The following NCOA1 variants were observed in gnomAD, a reference collection of about 807,000 sequenced individuals.
NCOA1 encodes the protein Hin-2 protein.
Under a neutral mutation model 150.9 loss-of-function variants are expected in NCOA1, and 35 were observed. That is an observed-to-expected ratio of 0.23 (90% CI 0.18 to 0.31). The LOEUF is 0.31. Ranked by LOEUF, NCOA1 falls within the 10% of genes least tolerant of loss-of-function variation. The probability of loss-of-function intolerance (pLI) is 1.00; values close to 1 mark genes in which losing one functional copy is unlikely to be tolerated. For missense variants in NCOA1, 1,491 were observed against 1,749.3 expected (o/e 0.85, Z 2.63); for synonymous variants, 590 against 630.0 (o/e 0.94, Z 0.95).
chr2:24,596,169 A>G (rs1667877594), intron 3 of NCOA1, among the ~76,000 whole-genome samples: 2 of 152,214 alleles, frequency 1.3e-5, no homozygotes. Context: ...AAACTACAGT[A>G]TCATTGGGTA....
chr2:24,513,586 ATG>A (rs149865947), intron 1 of NCOA1, among the ~76,000 whole-genome samples: 50 of 151,388 alleles, frequency 3.3e-4, no homozygotes, highest in South Asian at 2.7e-3. Flanking sequence ...TGTAAGGAAA[ATG>A]TGTGTGTGTG....
intron 3 of NCOA1, among the ~76,000 whole-genome samples, chr2:24,615,345 C>T (rs1668829196): frequency 6.6e-6 from 1 of 152,070 alleles, no homozygotes; most frequent in Admixed American, 6.6e-5. Context: ...TATCACAGAC[C>T]TCTTATTATT....
At chr2:24,591,810 C>G (rs1459696471) in intron 3 of NCOA1, among the ~76,000 whole-genome samples, 1 of 151,988 alleles carries the variant, frequency 6.6e-6, no homozygotes, top group Non-Finnish European at 1.5e-5. Flanking sequence ...TAAATATATA[C>G]AAAAGTAGAG....
chr2:24,696,920 C>G (rs1055868164), intron 10 of NCOA1, among the ~76,000 whole-genome samples: 2 of 151,658 alleles, frequency 1.3e-5, no homozygotes, highest in African/African-American at 4.8e-5. Context: ...TTTTGTGTGA[C>G]TGTAAGATTC....
intron 11 of NCOA1, among the ~76,000 whole-genome samples, chr2:24,698,024 C>A (rs951627640): frequency 6.6e-6 from 1 of 152,064 alleles, no homozygotes; most frequent in Non-Finnish European, 1.5e-5. Context: ...GTCACTCATT[C>A]ATTCATTCAT....
chr2:24,551,848 T>C (rs539531453), intron 1 of NCOA1, among the ~76,000 whole-genome samples: 5 of 152,332 alleles, frequency 3.3e-5, no homozygotes, highest in African/African-American at 9.6e-5. Context: ...GTTTTTGTTT[T>C]TGTTTTTGTT....
At chr2:24,553,430 G>T (rs1341208580) in intron 1 of NCOA1, among the ~76,000 whole-genome samples, 1 of 152,096 alleles carries the variant, frequency 6.6e-6, no homozygotes, top group Non-Finnish European at 1.5e-5. Flanking sequence ...TGTTGGCCAG[G>T]CTGGTCCCAA....
At chr2:24,492,271 G>A (rs1469513973) in intron 1 of NCOA1, 2 of 152,338 alleles carry the variant, frequency 1.3e-5, no homozygotes, top group African/African-American at 4.8e-5. Context: ...AAAGGGCCGA[G>A]GAAGGGAAGC....
intron 7 of NCOA1, among the ~76,000 whole-genome samples, chr2:24,682,003 T>C (rs913098703): frequency 5.9e-5 from 9 of 152,160 alleles, no homozygotes; most frequent in Non-Finnish European, 1.2e-4. Context: ...CGTGAGACAC[T>C]GCGCCCGGCC....
At chr2:24,662,292 C>G (rs1671218121) in intron 5 of NCOA1, among the ~76,000 whole-genome samples, 2 of 152,216 alleles carry the variant, frequency 1.3e-5, no homozygotes, top group Non-Finnish European at 2.9e-5. Context: ...CTTCTCCATT[C>G]ATTCATTCTT....
In NCOA1 at chr2:24,658,704, C is replaced by T. The variant is rs200358365; in HGVS notation, c.27C>T (p.Ser9=). The part of the protein sequence containing the change: MSGLGDSS[S]DPANPDSHKR... ...TGAGTGGCCTCGGGGACAGTTCATC[C>T]GACCCTGCTAACCCAGACTCACATA... The change falls in exon 5 of 23, where the codon TCC becomes TCT. Residue 9 remains serine, a synonymous_variant. Transcript: ENST00000348332. The T allele has an allele frequency of 4.6e-5, 75 of 1,613,944 alleles. No homozygotes were observed. Among genetic ancestry groups the T allele is most frequent in the Middle Eastern group, 1.7e-4 (1 of 6,058 alleles).
intron 12 of NCOA1, 152 bp from the exon 13 acceptor site, chr2:24,706,416 T>C: frequency 2.4e-6 from 2 of 822,240 alleles, no homozygotes; most frequent in Non-Finnish European, 1.7e-6. Flanking sequence ...TTTAAGAAAC[T>C]TTTTTCTTAA....
intron 16 of NCOA1, 124 bp from the exon 17 acceptor site, chr2:24,729,377 G>A (rs564421984): frequency 1.1e-6 from 1 of 879,688 alleles, no homozygotes; most frequent in Admixed American, 2.7e-5. Flanking sequence ...ATTTCTTTAG[G>A]TAGTAAACTT....
intron 3 of NCOA1, among the ~76,000 whole-genome samples, chr2:24,623,828 T>G (rs56170529): frequency 0.013 from 2,051 of 152,250 alleles, 21 homozygotes; most frequent in Non-Finnish European, 0.019. Flanking sequence ...CCAGTCTTAT[T>G]GGACTGGGGC....
At chr2:24,631,774 G>C (rs1437714402) in intron 3 of NCOA1, among the ~76,000 whole-genome samples, 1 of 152,206 alleles carries the variant, frequency 6.6e-6, no homozygotes, top group East Asian at 1.9e-4. Flanking sequence ...GTTGAAAGCT[G>C]GTTCTTTTTC....
At position 24,741,776 on chromosome 2, in the gene NCOA1, C is replaced by T; in HGVS notation, c.3304-8C>T. On this transcript the variant is annotated splice_region_variant and splice_polypyrimidine_tract_variant and intron_variant, in intron 18 of 22. Coordinates refer to ENST00000348332, the MANE Select transcript of NCOA1 (RefSeq NM_003743.5). ...ATTTTAGTAAGTGAGTTTTTTCCTG[C>T]TTTTCAGCCACCCCTGAATGCTCAA... 6.3e-7 allele frequency: 1 copy of T among 1,596,220 alleles called. No homozygotes were observed. The highest frequency in any genetic ancestry group is 1.1e-5 in the South Asian group (1 of 88,590).
At chr2:24,753,503 AT>A (rs1420068496) in intron 20 of NCOA1, among the ~76,000 whole-genome samples, 1 of 152,184 alleles carries the variant, frequency 6.6e-6, no homozygotes, top group African/African-American at 2.4e-5. Flanking sequence ...TCAGGCTTTC[AT>A]TCCCATCATT....
chr2:24,631,120 T>C lies in NCOA1; in HGVS notation c.-174-12846T>C, dbSNP rs560729849. The stretch of plus-strand genomic sequence containing the variant: ...ATTTGATCTCTTAAAACCACCTTTT[T>C]CAGGCACCTTCTTTTTAAATTTTAT... On this transcript the variant is annotated intron_variant, in intron 3 of 22. Coordinates refer to ENST00000348332, the MANE Select transcript of NCOA1 (RefSeq NM_003743.5). Among the ~76,000 whole-genome samples the C allele has an allele frequency of 5.9e-5, 9 of 152,316 alleles. No individual in the cohort carries two copies. The South Asian group carries it at 1.9e-3, about 32-fold the overall frequency.
At chr2:24,617,129 G>A (rs534442430) in intron 3 of NCOA1, among the ~76,000 whole-genome samples, 1 of 152,104 alleles carries the variant, frequency 6.6e-6, no homozygotes, top group Non-Finnish European at 1.5e-5. Flanking sequence ...GGGGAGGATG[G>A]TAGAAATGTT....
Sources: allele counts gnomAD v4.1 joint callset (sites outside exome capture counted in the v4.1 genomes callset), GRCh38; gene constraint gnomAD v4.1.1; transcripts MANE v1.5; gene names NCBI Gene and HGNC (gene_info 2026-07-23, HGNC 2026-07-21).